Variants in PCK1 observed in about 807,000 individuals in gnomAD.
PCK1 encodes phosphoenolpyruvate carboxykinase 1, also known as phosphoenolpyruvate carboxykinase, cytosolic [GTP].
A neutral mutation model predicts 50.3 loss-of-function variants in PCK1; 44 were observed. That is an observed-to-expected ratio of 0.87 (90% confidence interval 0.69 to 1.12). The LOEUF is 1.12. Ranked by LOEUF, PCK1 falls within the 50% of genes most tolerant of loss-of-function variation. The probability of loss-of-function intolerance (pLI) is 0.00; values close to 1 mark genes in which losing one functional copy is unlikely to be tolerated. For synonymous variants in PCK1, 332 were observed against 314.3 expected, an observed-to-expected ratio of 1.06 and a Z score of -0.59; for missense variants, 790 against 815.0, an observed-to-expected ratio of 0.97 and a Z score of 0.37.
chr20:57,565,124 C>T lies in PCK1; in HGVS notation c.1403C>T (p.Ala468Val). 1 of 1,613,224 alleles carries T rather than the reference C, an allele frequency of 6.2e-7. No individual in the cohort carries two copies. The highest frequency in any genetic ancestry group is 8.5e-7 in the Non-Finnish European group (1 of 1,179,358). ...AAMRSEATAAAEHKGKIIMHD... is the reference protein window; with the variant it reads ...AAMRSEATAAVEHKGKIIMHD... The stretch of plus-strand genomic sequence containing the variant: ...ATGAGATCAGAGGCCACAGCGGCTG[C>T]AGAACATAAAGGTAAATCAAAGTCC... Residue 468 changes from alanine (A) to valine (V), a missense_variant, in exon 9 of 10, where the codon GCA (alanine) becomes GTA (valine). Coordinates refer to ENST00000319441, the MANE Select transcript of PCK1 (RefSeq NM_002591.4).
chr20:57,561,899 T>C, intron 2 of PCK1, 172 bp from the exon 3 acceptor site: 1 of 627,496 alleles, frequency 1.6e-6, no homozygotes, highest in Non-Finnish European at 2.8e-6. Context: ...ACAGACCAGG[T>C]CCTAGTGGAG....
Position 57,565,372 on chromosome 20 carries a change from C to A in PCK1, c.1437C>A (p.Pro479=), listed in dbSNP as rs2146530814. 6.2e-7 allele frequency: 1 copy of A among 1,614,030 alleles called. No individual in the cohort carries two copies. Among genetic ancestry groups the A allele is most frequent in the Non-Finnish European group, 8.5e-7 (1 of 1,179,840 alleles). The stretch of plus-strand genomic sequence containing the variant: ...CAGGCAAAATCATCATGCATGACCC[C>A]TTTGCCATGCGGCCCTTCTTTGGCT... ...EHKGKIIMHD[P]FAMRPFFGYN... Residue 479 remains proline (P), a synonymous_variant, in exon 10 of 10, where the codon CCC becomes CCA. Coordinates refer to ENST00000319441, the MANE Select transcript of PCK1 (RefSeq NM_002591.4).
intron 6 of PCK1, 197 bp downstream of exon 6, chr20:57,563,924 T>G: frequency 1.6e-6 from 1 of 614,186 alleles, no homozygotes; most frequent in East Asian, 2.8e-5. Flanking sequence ...CTGGGCCATA[T>G]GTTGCTGTTT....
chr20:57,564,046 A>G, intron 6 of PCK1, 123 bp from the exon 7 acceptor site: 5 of 677,556 alleles, frequency 7.4e-6, no homozygotes, highest in Non-Finnish European at 1.3e-5. Context: ...AGATAAATGC[A>G]TATTCTAGGG....
rs773085162 is a variant in PCK1, at chr20:57,561,516, T to A, written c.105T>A (p.Ala35=). ...TGAGGGAGTTTCTCGAGAATAACGCTGAGCTGTGTCAGCCTGATCACATCC... is the reference window on the plus strand; with the variant it reads ...TGAGGGAGTTTCTCGAGAATAACGCAGAGCTGTGTCAGCCTGATCACATCC... The part of the protein sequence containing the change: ...QAVREFLENN[A]ELCQPDHIHI... The change falls in exon 2 of 10, where the codon GCT becomes GCA. Residue 35 remains alanine (A), a synonymous_variant. Coordinates refer to ENST00000319441, the MANE Select transcript of PCK1 (RefSeq NM_002591.4). 6.2e-7 allele frequency: 1 copy of A among 1,613,896 alleles called. No homozygotes were observed. The highest frequency in any genetic ancestry group is 8.5e-7 in the Non-Finnish European group (1 of 1,179,824).
rs1157488733 is a variant in PCK1, at chr20:57,561,603, C to T, written c.192C>T (p.Gly64=). 1.2e-6 allele frequency: 2 copies of T among 1,612,898 alleles called. No individual in the cohort carries two copies. The highest frequency in any genetic ancestry group is 1.7e-6 in the Non-Finnish European group (2 of 1,179,640). Residue 64 remains glycine (G), a synonymous_variant, in exon 2 of 10, where the codon GGC becomes GGT. Coordinates refer to ENST00000319441, the MANE Select transcript of PCK1 (RefSeq NM_002591.4). ...GRLLGQMEEE[G]ILRRLKKYDN... is the part of the protein sequence containing the mutation. ...TTCTGGGCCAGATGGAGGAAGAGGG[C>T]ATCCTCAGGCGGCTGAAGAAGTATG...
rs775605946 is a variant in PCK1, at chr20:57,564,207, G to A, written c.1000G>A (p.Gly334Ser). ...CATCAACCCAGAAAATGGCTTTTTCGGTGTCGCTCCTGGGACTTCAGTGAA... is the reference window on the plus strand; with the variant it reads ...CATCAACCCAGAAAATGGCTTTTTCAGTGTCGCTCCTGGGACTTCAGTGAA... Reference protein sequence around the residue: ...RAINPENGFFGVAPGTSVKTN... With the variant: ...RAINPENGFFSVAPGTSVKTN... The change falls in exon 7 of 10, where the codon GGT becomes AGT. Residue 334 changes from glycine (G) to serine (S), a missense_variant. Coordinates refer to ENST00000319441, the MANE Select transcript of PCK1 (RefSeq NM_002591.4). The A allele has an allele frequency of 2.7e-5, 43 of 1,613,680 alleles. 2 individuals are homozygous for A. The South Asian group carries it at 3.3e-4, about 12-fold the overall frequency.
Position 57,562,191 on chromosome 20 carries a change from C to A in PCK1, c.345C>A (p.Arg115=). 6.2e-7 allele frequency: 1 copy of A among 1,614,198 alleles called. No individual in the cohort carries two copies. Among genetic ancestry groups the A allele is most frequent in the East Asian group, 2.2e-5 (1 of 44,884 alleles). Residue 115 remains arginine, a synonymous_variant, in exon 3 of 10, where the codon CGC becomes CGA. Coordinates refer to ENST00000319441, the MANE Select transcript of PCK1 (RefSeq NM_002591.4). ...IPKTGLSQLG[R]WMSEEDFEKA... ...AAACAGGCCTCAGCCAGCTCGGTCG[C>A]TGGATGTCAGAGGAGGATTTTGAGA...
rs1254579379 is a variant in PCK1, at chr20:57,564,562, C to T, written c.1267C>T (p.Pro423Ser). The T allele has an allele frequency of 1.9e-6, 3 of 1,613,322 alleles. No homozygotes were observed. The highest frequency in any genetic ancestry group is 2.7e-5 in the African/African-American group (2 of 75,034). The change falls in exon 8 of 10, where the codon CCG becomes TCG. Residue 423 changes from proline (P) to serine (S), a missense_variant. Pro to Ser is a moderately conservative substitution (Grantham distance 74). Coordinates refer to ENST00000319441, the MANE Select transcript of PCK1 (RefSeq NM_002591.4). ...CATCATTGATGCTGCCTGGGAGTCT[C>T]CGGAAGGTGTTCCCATTGAAGGCAT... ...CPIIDAAWES[P>S]EGVPIEGIIF...
chr20:57,564,706 G>C, intron 8 of PCK1, 93 bp downstream of exon 8: 1 of 1,129,774 alleles, frequency 8.9e-7, no homozygotes, highest in East Asian at 2.4e-5. Context: ...CCTTGTCAGA[G>C]GGTGCCCAGG....
At chr20:57,565,186 C>A (rs760908868) in intron 9 of PCK1, 51 bp downstream of exon 9, 2 of 1,396,300 alleles carry the variant, frequency 1.4e-6, no homozygotes, top group South Asian at 2.3e-5. Flanking sequence ...TTAGAGCACT[C>A]TTCGTCACTC....
chr20:57,562,218 A>G lies in PCK1; in HGVS notation c.372A>G (p.Lys124=), dbSNP rs780028959. The change falls in exon 3 of 10, where the codon AAA becomes AAG. Residue 124 remains lysine (K), a synonymous_variant. Transcript: ENST00000319441. Reference sequence around the variant, plus strand: ...GGATGTCAGAGGAGGATTTTGAGAAAGCGTTCAATGCCAGGTTCCCAGGGT... The same window carrying G: ...GGATGTCAGAGGAGGATTTTGAGAAGGCGTTCAATGCCAGGTTCCCAGGGT... ...GRWMSEEDFE[K]AFNARFPGCM... is the part of the protein sequence containing the mutation. 1.9e-6 allele frequency: 3 copies of G among 1,614,168 alleles called. No individual in the cohort carries two copies. Among genetic ancestry groups the G allele is most frequent in the African/African-American group, 2.7e-5 (2 of 75,054 alleles).
chr20:57,565,724 G>A lies in PCK1; in HGVS notation c.1789G>A (p.Glu597Lys), dbSNP rs1186142819. The change falls in exon 10 of 10, where the codon GAG becomes AAG. Residue 597 changes from glutamate to lysine, a missense_variant. By Grantham distance (56) the Glu-to-Lys change is moderately conservative. Transcript: ENST00000319441. ...KEVEDIEKYLEDQVNADLPCE... is the reference protein window; with the variant it reads ...KEVEDIEKYLKDQVNADLPCE... ...GGTGGAAGACATCGAGAAGTATCTG[G>A]AGGATCAAGTCAATGCCGACCTCCC... 2 of 1,613,830 alleles carry A rather than the reference G, an allele frequency of 1.2e-6. No homozygotes were observed. Among genetic ancestry groups the A allele is most frequent in the East Asian group, 2.2e-5 (1 of 44,884 alleles).
rs1037696789 is a variant in PCK1 at position 57,564,034 on chromosome 20, A to C, written c.962-135A>C. 4.5e-6 allele frequency: 3 copies of C among 662,166 alleles called. No individual in the cohort carries two copies. In the Admixed American group the frequency reaches 8.7e-5, roughly 19 times the overall value. The allele number at this position is 662,166 out of a possible 1,614,324, so 41.0% of individuals were successfully genotyped here. ...AGTTGCATATGATGCTTGGATGAAA[A>C]GAGATAAATGCATATTCTAGGGAGG... On this transcript the variant is annotated intron_variant, in intron 6 of 9. Transcript: ENST00000319441.
rs766917599 is a variant in PCK1 at position 57,564,348 on chromosome 20, G to A, written c.1141G>A (p.Val381Ile). 3.6e-5 allele frequency: 58 copies of A among 1,613,990 alleles called. No homozygotes were observed. The highest frequency in any genetic ancestry group is 1.1e-4 in the East Asian group (5 of 44,892). ...CATTGATGAGCCGCTAGCTTCAGGT[G>A]TCACCATCACGTCCTGGAAGAATAA... is the stretch of plus-strand genomic sequence containing the variant. ...EGIDEPLASG[V>I]TITSWKNKEW... The change falls in exon 7 of 10, where the codon GTC becomes ATC. Residue 381 changes from valine to isoleucine, a missense_variant. Physicochemically the swap from Val to Ile is conservative, Grantham distance 29. Transcript: ENST00000319441.
Position 57,564,386 on chromosome 20 carries a change from A to G in PCK1, c.1179A>G (p.Ser393=). The change falls in exon 7 of 10, where the codon TCA becomes TCG. Residue 393 remains serine (S), a synonymous_variant. Transcript: ENST00000319441. ...CCTGGAAGAATAAGGAGTGGAGCTC[A>G]GAGGATGGTGTGTCCCTGCCAGAGG... The part of the protein sequence containing the change: ...ITSWKNKEWS[S]EDGEPCAHPN... 3 of 1,613,746 alleles carry G rather than the reference A, an allele frequency of 1.9e-6. No homozygotes were observed. In the South Asian group the frequency reaches 3.3e-5, roughly 18 times the overall value.
rs2070200395 is a variant in PCK1, at chr20:57,565,875, G to A, written c.*71G>A. ...CATAAGGTGCAGTAGGAGCAAGAGA[G>A]GGCAAGTGTTCCCAAATTGACGCCA... is the stretch of plus-strand genomic sequence containing the variant. On this transcript the variant is annotated 3_prime_UTR_variant, in exon 10 of 10. Transcript: ENST00000319441. 4.2e-6 allele frequency: 5 copies of A among 1,180,848 alleles called. No homozygotes were observed. The Admixed American group carries it at 7.7e-5, about 18-fold the overall frequency. The allele number at this position is 1,180,848 out of a possible 1,614,324, so 73.1% of individuals were successfully genotyped here.
chr20:57,564,625 CT>C lies in PCK1; in HGVS notation c.1318+14del. The C allele has an allele frequency of 6.4e-7, 1 of 1,573,610 alleles. No homozygotes were observed. The highest frequency in any genetic ancestry group is 1.8e-5 in the Admixed American group (1 of 55,826). On this transcript the variant is annotated intron_variant, in intron 8 of 9. Transcript: ENST00000319441. ...CCGTAGACCTGCTGGTGAGGCTCTC[CT>C]TCATTTAGGCTGGGAACATGGGTGT...
chr20:57,564,099 C>A, intron 6 of PCK1, 70 bp from the exon 7 acceptor site: 1 of 952,624 alleles, frequency 1.0e-6, no homozygotes, highest in Non-Finnish European at 1.6e-6. Flanking sequence ...ATTAGTCCGG[C>A]AATATATAAG....
Sources: gnomAD v4.1 joint callset for allele counts on GRCh38, gnomAD v4.1.1 for gene constraint, MANE v1.5 for transcripts, NCBI Gene and HGNC (gene_info 2026-07-23, HGNC 2026-07-21) for gene names.